Variants in PACSIN2 observed in about 807,000 individuals in gnomAD.
The protein encoded by PACSIN2 is protein kinase C and casein kinase substrate in neurons protein 2.
Under a neutral mutation model 63.8 loss-of-function variants are expected in PACSIN2, and 25 were observed. That is an observed-to-expected ratio of 0.39 (90% confidence interval 0.29 to 0.55). PACSIN2 has a LOEUF of 0.55. Ranked by LOEUF, PACSIN2 falls within the 20% of genes least tolerant of loss-of-function variation. The pLI is 0.62. For synonymous variants in PACSIN2, 255 were observed against 256.2 expected, an observed-to-expected ratio of 1.00 and a Z score of 0.05; for missense variants, 518 against 646.9, an observed-to-expected ratio of 0.80 and a Z score of 2.16.
intron 7 of PACSIN2, among the ~76,000 whole-genome samples, chr22:42,879,474 G>C (rs1355510507): frequency 6.6e-6 from 1 of 152,192 alleles, no homozygotes; most frequent in Non-Finnish European, 1.5e-5. Context: ...AGCGGGGGTG[G>C]CGAGGACCAG....
At chr22:42,881,141 A>G (rs4822216) in intron 7 of PACSIN2, among the ~76,000 whole-genome samples, 67,269 of 151,986 alleles carry the variant, frequency 0.44, 15,414 homozygotes, top group Non-Finnish European at 0.48. Context: ...CAGGGCCCAC[A>G]CTGTCATTTG....
chr22:42,904,723 C>G (rs977513747), intron 2 of PACSIN2, among the ~76,000 whole-genome samples: 5 of 151,544 alleles, frequency 3.3e-5, no homozygotes, highest in African/African-American at 7.4e-5. Context: ...CACAGCCCCC[C>G]CATACTGCAC....
chr22:42,886,886 G>A (rs913432227), intron 5 of PACSIN2, among the ~76,000 whole-genome samples: 6 of 152,152 alleles, frequency 3.9e-5, no homozygotes, highest in African/African-American at 1.4e-4. Flanking sequence ...CCCTGGGCCT[G>A]TTCTGCAAAA....
At chr22:42,924,044 TAA>T (rs770285503) in intron 1 of PACSIN2, among the ~76,000 whole-genome samples, 33 of 136,060 alleles carry the variant, frequency 2.4e-4, no homozygotes, top group South Asian at 4.7e-4. Flanking sequence ...CTGGTCTCTT[TAA>T]AAAAAAAAAA....
At chr22:43,001,077 G>A (rs1231861613) in intron 1 of PACSIN2, among the ~76,000 whole-genome samples, 2 of 152,336 alleles carry the variant, frequency 1.3e-5, no homozygotes, top group East Asian at 3.9e-4. Flanking sequence ...ATGGAATCAC[G>A]TCTTGTGTTA....
At chr22:42,971,488 G>A (rs949594325) in intron 1 of PACSIN2, among the ~76,000 whole-genome samples, 1 of 152,208 alleles carries the variant, frequency 6.6e-6, no homozygotes, top group African/African-American at 2.4e-5. Flanking sequence ...CAAGAGTGCA[G>A]CCTCTGCCCG....
intron 1 of PACSIN2, among the ~76,000 whole-genome samples, chr22:42,914,895 T>C (rs927725538): frequency 1.3e-5 from 2 of 152,220 alleles, no homozygotes; most frequent in Admixed American, 1.3e-4. Flanking sequence ...AAGCGTCTTG[T>C]CTGTCATCCA....
intron 1 of PACSIN2, among the ~76,000 whole-genome samples, chr22:42,928,205 G>A (rs1383886327): frequency 6.6e-6 from 1 of 152,230 alleles, no homozygotes; most frequent in African/African-American, 2.4e-5. Flanking sequence ...GGCATAGGAG[G>A]AAAATGGCCC....
chr22:42,927,293 T>C (rs1932598858), intron 1 of PACSIN2, among the ~76,000 whole-genome samples: 2 of 152,026 alleles, frequency 1.3e-5, no homozygotes, highest in Admixed American at 1.3e-4. Flanking sequence ...TTGCCCAGAC[T>C]GGAGCACAGT....
At chr22:42,877,927 G>A (rs535385531) in intron 8 of PACSIN2, among the ~76,000 whole-genome samples, 26 of 152,354 alleles carry the variant, frequency 1.7e-4, no homozygotes, top group South Asian at 4.1e-4. Flanking sequence ...AAGGAAGGGA[G>A]GCGAGGACAT....
At chr22:42,953,250 G>A (rs1037376923) in intron 1 of PACSIN2, among the ~76,000 whole-genome samples, 1 of 151,758 alleles carries the variant, frequency 6.6e-6, no homozygotes. Flanking sequence ...AAATATCTAG[G>A]ATAACCACTA....
intron 1 of PACSIN2, among the ~76,000 whole-genome samples, chr22:42,989,826 AAAAAG>A (rs1922891296): frequency 1.3e-5 from 2 of 149,842 alleles, no homozygotes. Context: ...GAAAGAAAAA[AAAAAG>A]AAAAGAAAAC....
intron 1 of PACSIN2, among the ~76,000 whole-genome samples, chr22:42,981,978 C>T (rs1343779579): frequency 5.8e-5 from 6 of 104,010 alleles, no homozygotes; most frequent in Non-Finnish European, 1.0e-4. Flanking sequence ...CCCGGCCAGC[C>T]GCCCCGTCCG....
intron 1 of PACSIN2, among the ~76,000 whole-genome samples, chr22:42,990,811 G>A (rs1192616504): frequency 6.9e-6 from 1 of 145,252 alleles, no homozygotes; most frequent in Non-Finnish European, 1.5e-5. Context: ...AGATGTGGAA[G>A]AGGGCCATGG....
At chr22:42,968,247 G>A (rs1035094697) in intron 1 of PACSIN2, among the ~76,000 whole-genome samples, 2 of 152,170 alleles carry the variant, frequency 1.3e-5, no homozygotes, top group African/African-American at 4.8e-5. Flanking sequence ...CACTGTTGTT[G>A]TTTTGGGGAA....
chr22:42,947,493 CTCTT>C, intron 1 of PACSIN2, among the ~76,000 whole-genome samples: 1 of 152,232 alleles, frequency 6.6e-6, no homozygotes, highest in East Asian at 1.9e-4. Flanking sequence ...GTTTCAGAGG[CTCTT>C]CCCTACCCAA....
At chr22:42,988,089 A>G (rs1922764598) in intron 1 of PACSIN2, among the ~76,000 whole-genome samples, 1 of 152,124 alleles carries the variant, frequency 6.6e-6, no homozygotes. Flanking sequence ...GTGAGCCGAG[A>G]TCGCACCACT....
chr22:42,900,878 C>T (rs558058772), intron 2 of PACSIN2, among the ~76,000 whole-genome samples: 91 of 152,276 alleles, frequency 6.0e-4, no homozygotes, highest in African/African-American at 2.1e-3. Context: ...TCCCTCAGGC[C>T]GGGATCAGAG....
chr22:42,956,822 C>T (rs1055401405), intron 1 of PACSIN2, among the ~76,000 whole-genome samples: 2 of 152,092 alleles, frequency 1.3e-5, no homozygotes, highest in African/African-American at 4.8e-5. Context: ...GTATCTCTTT[C>T]TCATCTTTAA....
Sources: allele counts gnomAD v4.1 joint callset (sites outside exome capture counted in the v4.1 genomes callset), GRCh38; gene constraint gnomAD v4.1.1; transcripts MANE v1.5; gene names NCBI Gene and HGNC (gene_info 2026-07-23, HGNC 2026-07-21).